BCKDHB: variants seen among roughly 807,000 people sequenced by gnomAD.
BCKDHB encodes 2-oxoisovalerate dehydrogenase subunit beta, mitochondrial.
BCKDHB carries 41 observed loss-of-function variants against 48.5 expected under a neutral mutation model. The ratio of observed to expected loss-of-function variants is 0.85; its 90% CI spans 0.66 to 1.10. The LOEUF (loss-of-function observed/expected upper bound fraction) is 1.10. BCKDHB is among the 50% of genes least tolerant of loss of function. The pLI is 0.00. For synonymous variants in BCKDHB, 201 were observed against 174.8 expected, an observed-to-expected ratio of 1.15 and a Z score of -1.18; for missense variants, 496 against 494.2, an observed-to-expected ratio of 1.00 and a Z score of -0.03.
At chr6:80,433,303 G>A in the BCKDHB span, among the ~76,000 whole-genome samples, 1 of 152,150 alleles carries the variant, frequency 6.6e-6, no homozygotes, top group South Asian at 2.1e-4. Flanking sequence ...GGGAGATGGG[G>A]GTTTTATTTT....
At chr6:80,381,795 T>C in the BCKDHB span, among the ~76,000 whole-genome samples, 1 of 152,158 alleles carries the variant, frequency 6.6e-6, no homozygotes, top group African/African-American at 2.4e-5. Flanking sequence ...TCCTATAGCA[T>C]CTATTTTATT....
chr6:80,106,657 C>A (rs1363845112), upstream of BCKDHB: 4 of 1,543,432 alleles, frequency 2.6e-6, no homozygotes, highest in African/African-American at 4.1e-5. Context: ...AGGCGGCGTG[C>A]GGCTGCATAG....
intron 6 of BCKDHB, among the ~76,000 whole-genome samples, chr6:80,173,802 CTT>C (rs66729845): frequency 9.5e-4 from 131 of 137,262 alleles, no homozygotes; most frequent in Non-Finnish European, 1.2e-3. Flanking sequence ...TCTACTTTTC[CTT>C]TTTTTTTTTT....
At chr6:80,266,697 A>G (rs1389544206) in intron 8 of BCKDHB, among the ~76,000 whole-genome samples, 1 of 152,056 alleles carries the variant, frequency 6.6e-6, no homozygotes, top group African/African-American at 2.4e-5. Flanking sequence ...CCTCTATTAC[A>G]ATTAGAACGA....
chr6:80,410,785 A>G, the BCKDHB span, among the ~76,000 whole-genome samples: 2 of 152,176 alleles, frequency 1.3e-5, no homozygotes, highest in Non-Finnish European at 2.9e-5. Context: ...TGTGATTTTC[A>G]GCTCCATCAG....
intron 9 of BCKDHB, among the ~76,000 whole-genome samples, chr6:80,315,205 G>T (rs1419719201): frequency 6.6e-6 from 1 of 152,146 alleles, no homozygotes; most frequent in Admixed American, 6.5e-5. Flanking sequence ...GTAAAGCTCT[G>T]GGTCTCTGTG....
intron 1 of BCKDHB, among the ~76,000 whole-genome samples, chr6:80,111,868 A>T (rs1769429262): frequency 1.3e-5 from 2 of 152,178 alleles, no homozygotes; most frequent in South Asian, 4.1e-4. Flanking sequence ...CCGGGGGGCT[A>T]CAGTGTTACC....
chr6:80,446,835 T>C, the BCKDHB span, among the ~76,000 whole-genome samples: 2 of 148,388 alleles, frequency 1.3e-5, no homozygotes, highest in Admixed American at 7.0e-5. Context: ...TGTGTGGAAG[T>C]GAAGTTTATT....
At chr6:80,351,569 T>A in the BCKDHB span, among the ~76,000 whole-genome samples, 1 of 151,934 alleles carries the variant, frequency 6.6e-6, no homozygotes, top group African/African-American at 2.4e-5. Flanking sequence ...GGTGAAGGAA[T>A]AGGTGACCAA....
the BCKDHB span, among the ~76,000 whole-genome samples, chr6:80,460,189 A>G: frequency 6.6e-6 from 1 of 152,170 alleles, no homozygotes; most frequent in South Asian, 2.1e-4. Context: ...TGGAAAAAAC[A>G]AATTTTATTT....
intron 9 of BCKDHB, among the ~76,000 whole-genome samples, chr6:80,322,443 T>A (rs1239254048): frequency 6.6e-6 from 1 of 152,014 alleles, no homozygotes; most frequent in Non-Finnish European, 1.5e-5. Context: ...TTCACCATGT[T>A]GGTCAGGCTG....
At chr6:80,442,891 T>A in the BCKDHB span, among the ~76,000 whole-genome samples, 1 of 152,164 alleles carries the variant, frequency 6.6e-6, no homozygotes, top group Non-Finnish European at 1.5e-5. Context: ...AGAAGGTGCA[T>A]CTCAGCACCT....
intron 6 of BCKDHB, among the ~76,000 whole-genome samples, chr6:80,190,532 A>C (rs1168140270): frequency 3.3e-5 from 5 of 152,186 alleles, no homozygotes; most frequent in African/African-American, 1.2e-4. Context: ...TAAATCTAGT[A>C]GCAGTCACAT....
At chr6:80,168,239 CGCA>C (rs1339322126) in intron 4 of BCKDHB, among the ~76,000 whole-genome samples, 1 of 151,592 alleles carries the variant, frequency 6.6e-6, no homozygotes, top group Non-Finnish European at 1.5e-5. Context: ...GAACTGTGAT[CGCA>C]GCACTGCACT....
chr6:80,203,139 A>G lies in BCKDHB; in HGVS notation c.878A>G (p.Glu293Gly). ...CGAGAGGTAGCTTCCATGGCAAAAG[A>G]AAAGCTTGGAGTGTCTTGTGAAGTC... ...VIREVASMAKEKLGVSCEVID... is the reference protein window; with the variant it reads ...VIREVASMAKGKLGVSCEVID... The change falls in exon 8 of 10, where the codon GAA becomes GGA. Residue 293 changes from glutamate to glycine, a missense_variant. Transcript: ENST00000320393. The G allele has an allele frequency of 6.2e-7, 1 of 1,613,080 alleles. No individual in the cohort carries two copies. The highest frequency in any genetic ancestry group is 8.5e-7 in the Non-Finnish European group (1 of 1,179,248).
chr6:80,196,464 T>G (rs147249261), intron 6 of BCKDHB, among the ~76,000 whole-genome samples: 1 of 152,292 alleles, frequency 6.6e-6, no homozygotes, highest in East Asian at 1.9e-4. Flanking sequence ...CATTGCTATA[T>G]TATGATTTTA....
At chr6:80,415,337 T>C in the BCKDHB span, among the ~76,000 whole-genome samples, 2 of 152,082 alleles carry the variant, frequency 1.3e-5, no homozygotes, top group African/African-American at 4.8e-5. Flanking sequence ...TCATCTTACC[T>C]TGAAAGTCCT....
At chr6:80,453,588 T>C in the BCKDHB span, among the ~76,000 whole-genome samples, 18 of 152,302 alleles carry the variant, frequency 1.2e-4, no homozygotes, top group East Asian at 3.3e-3. Flanking sequence ...AAGGAGATAT[T>C]ATGTCCCCTG....
At chr6:80,251,369 G>A (rs1776829748) in intron 8 of BCKDHB, among the ~76,000 whole-genome samples, 1 of 152,168 alleles carries the variant, frequency 6.6e-6, no homozygotes, top group Non-Finnish European at 1.5e-5. Context: ...AGGTATTAAA[G>A]CATCCTGTTC....
Sources: allele counts gnomAD v4.1 joint callset (sites outside exome capture counted in the v4.1 genomes callset), GRCh38; gene constraint gnomAD v4.1.1; transcripts MANE v1.5; gene names NCBI Gene and HGNC (gene_info 2026-07-23, HGNC 2026-07-21).